Variants in FIGN observed in about 807,000 individuals in gnomAD.
FIGN encodes fidgetin.
FIGN carries 11 observed loss-of-function variants against 51.3 expected under a neutral mutation model. The observed-to-expected ratio is 0.21, with a 90% CI of 0.13 to 0.35. The LOEUF is 0.35. Among genes scored for constraint, FIGN ranks in the 10% least tolerant of loss-of-function variants. The pLI is 1.00. For missense variants in FIGN, 857 were observed against 943.6 expected, an observed-to-expected ratio of 0.91 and a Z score of 1.20; for synonymous variants, 407 against 363.2, an observed-to-expected ratio of 1.12 and a Z score of -1.37.
At position 163,607,843 on chromosome 2, in the gene FIGN, T is replaced by C. The variant is rs992933520; in HGVS notation, c.*1709A>G. The C allele has an allele frequency of 6.6e-6, 1 of 152,568 alleles. No individual in the cohort carries two copies. The highest frequency in any genetic ancestry group is 2.4e-5 in the African/African-American group (1 of 41,416). 9.5% of individuals were successfully genotyped at this position (152,568 alleles called of 1,614,324 possible). On this transcript the variant is annotated 3_prime_UTR_variant, in exon 3 of 3. Coordinates refer to ENST00000333129, the MANE Select transcript of FIGN (RefSeq NM_018086.4). ...CCTGCTCTGTGACAGTTCAGAAGCA[T>C]TGCCAAACATCAGCCCACTATCAAT...
chr2:163,676,436 T>A (rs1218849097), intron 2 of FIGN, among the ~76,000 whole-genome samples: 844 of 11,720 alleles, frequency 0.072, 7 homozygotes, highest in Non-Finnish European at 0.1. Flanking sequence ...ATTCCTGGAA[T>A]ATATATATAT....
chr2:163,682,247 C>T (rs141852557), intron 2 of FIGN, among the ~76,000 whole-genome samples: 247 of 152,324 alleles, frequency 1.6e-3, no homozygotes, highest in African/African-American at 4.7e-3. Flanking sequence ...CCATTTGTTT[C>T]ATTCTCTAAC....
At chr2:163,731,261 A>C (rs1462064032) in intron 2 of FIGN, among the ~76,000 whole-genome samples, 1 of 152,176 alleles carries the variant, frequency 6.6e-6, no homozygotes, top group African/African-American at 2.4e-5. Context: ...TGACAACCAG[A>C]AGCTCAGGAA....
At chr2:163,668,044 A>G (rs1393838619) in intron 2 of FIGN, among the ~76,000 whole-genome samples, 1 of 138,922 alleles carries the variant, frequency 7.2e-6, no homozygotes, top group Non-Finnish European at 1.5e-5. Flanking sequence ...CTCCACAAGT[A>G]ACAAACAAGA....
intron 2 of FIGN, among the ~76,000 whole-genome samples, chr2:163,655,662 T>C (rs1215458835): frequency 6.6e-6 from 1 of 152,142 alleles, no homozygotes; most frequent in African/African-American, 2.4e-5. Flanking sequence ...CTGAGGCTGA[T>C]GCTATCTCTC....
intron 2 of FIGN, among the ~76,000 whole-genome samples, chr2:163,693,346 C>A (rs1337125272): frequency 6.6e-6 from 1 of 152,068 alleles, no homozygotes; most frequent in African/African-American, 2.4e-5. Flanking sequence ...TGAGGAGGAA[C>A]TGCAAGAGTG....
chr2:163,713,625 TCTC>T (rs1490056963), intron 2 of FIGN, among the ~76,000 whole-genome samples: 1 of 152,122 alleles, frequency 6.6e-6, no homozygotes, highest in African/African-American at 2.4e-5. Context: ...ACCATTTTCT[TCTC>T]CTCCTTGCCA....
At chr2:163,715,396 G>C (rs1227366540) in intron 2 of FIGN, among the ~76,000 whole-genome samples, 4 of 152,268 alleles carry the variant, frequency 2.6e-5, no homozygotes, top group Non-Finnish European at 5.9e-5. Context: ...ATTCCTCCTT[G>C]CTGATGAGGA....
chr2:163,703,980 C>A (rs1029909619), intron 2 of FIGN, among the ~76,000 whole-genome samples: 1 of 151,978 alleles, frequency 6.6e-6, no homozygotes, highest in African/African-American at 2.4e-5. Context: ...AAAGCCTATC[C>A]ACATTACTAT....
At chr2:163,616,218 C>T (rs1250666879) in intron 2 of FIGN, among the ~76,000 whole-genome samples, 5 of 151,986 alleles carry the variant, frequency 3.3e-5, no homozygotes, top group East Asian at 1.9e-4. Flanking sequence ...TAACTAGTTT[C>T]GAAACAAAAC....
chr2:163,683,325 A>C (rs1423603541), intron 2 of FIGN, among the ~76,000 whole-genome samples: 1 of 152,222 alleles, frequency 6.6e-6, no homozygotes, highest in Admixed American at 6.5e-5. Flanking sequence ...AGGATGCTAA[A>C]ACAGTATAGG....
intron 2 of FIGN, among the ~76,000 whole-genome samples, chr2:163,628,275 G>T (rs1386405123): frequency 6.6e-6 from 1 of 152,166 alleles, no homozygotes; most frequent in Admixed American, 6.6e-5. Context: ...TAATAGTTGA[G>T]GTAGATCTTG....
rs147210643 is a variant in FIGN, at chr2:163,715,672, C to T, written c.25+19231G>A. ...CAGACATACACATACAAGAAATAAACATTTTCCTTTTATACAAGTTGATAC... is the reference window on the plus strand; with the variant it reads ...CAGACATACACATACAAGAAATAAATATTTTCCTTTTATACAAGTTGATAC... On this transcript the variant is annotated intron_variant, in intron 2 of 2. Transcript: ENST00000333129. Among the ~76,000 whole-genome samples the T allele has an allele frequency of 7.2e-5, 11 of 152,258 alleles. No homozygotes were observed. The East Asian group carries it at 1.9e-3, about 27-fold the overall frequency.
intron 2 of FIGN, among the ~76,000 whole-genome samples, chr2:163,728,945 A>G (rs555389520): frequency 2.0e-5 from 3 of 152,342 alleles, no homozygotes; most frequent in Admixed American, 2.0e-4. Context: ...ATAGTAAGTC[A>G]AAAGATAAGC....
At chr2:163,721,415 G>A (rs1436053492) in intron 2 of FIGN, among the ~76,000 whole-genome samples, 1 of 152,154 alleles carries the variant, frequency 6.6e-6, no homozygotes, top group East Asian at 1.9e-4. Context: ...AACCAGAAGT[G>A]TCTATTTAAC....
intron 2 of FIGN, among the ~76,000 whole-genome samples, chr2:163,635,514 G>C (rs1270519964): frequency 2.0e-5 from 3 of 152,186 alleles, no homozygotes; most frequent in African/African-American, 7.2e-5. Context: ...AGGCTGCAGT[G>C]AGCTGATTGT....
At chr2:163,731,135 G>GTAT (rs1244608775) in intron 2 of FIGN, among the ~76,000 whole-genome samples, 1 of 152,084 alleles carries the variant, frequency 6.6e-6, no homozygotes, top group Non-Finnish European at 1.5e-5. Flanking sequence ...AAACAGGGAA[G>GTAT]TATTAGCATG....
At position 163,610,019 on chromosome 2, in the gene FIGN, T is replaced by G. The variant is rs780148272; in HGVS notation, c.1813A>C (p.Met605Leu). 2 of 1,614,096 alleles carry G rather than the reference T, an allele frequency of 1.2e-6. No homozygotes were observed. Among genetic ancestry groups the G allele is most frequent in the South Asian group, 2.2e-5 (2 of 91,078 alleles). ...AGTTGCATCAGAAATTCGGTTCTCA[T>G]CCGACTGACTGGACTATGTTCCTCA... ...VNEEHSPVSR[M>L]RTEFLMQLDT... Residue 605 changes from methionine (M) to leucine (L), a missense_variant, in exon 3 of 3, where the codon ATG becomes CTG. Met to Leu is a conservative substitution (Grantham distance 15). This residue lies in a region of FIGN where 799 missense variants were observed against 849.5 expected (regional missense o/e 0.94). Transcript: ENST00000333129.
chr2:163,611,401 A>T lies in FIGN; in HGVS notation c.431T>A (p.Val144Asp). ...GVSSALPPADVSASIGSSPGV... is the reference protein window; with the variant it reads ...GVSSALPPADDSASIGSSPGV... ...AGGAGAGCTTCCTATACTCGCAGAG[A>T]CATCTGCTGGAGGGAGGGCTGAACT... Residue 144 changes from valine to aspartate, a missense_variant, in exon 3 of 3, where the codon GTC becomes GAC. By Grantham distance (152) the Val-to-Asp change is radical (BLOSUM62 -3). Coordinates refer to ENST00000333129, the MANE Select transcript of FIGN (RefSeq NM_018086.4). 6.2e-7 allele frequency: 1 copy of T among 1,614,130 alleles called. No homozygotes were observed. Among genetic ancestry groups the T allele is most frequent in the Non-Finnish European group, 8.5e-7 (1 of 1,180,004 alleles).
Sources: gnomAD v4.1 joint callset for allele counts (sites outside exome capture counted in the v4.1 genomes callset) on GRCh38, gnomAD v4.1.1 for gene constraint, gnomAD v4.1.1 regional missense constraint, MANE v1.5 for transcripts, NCBI Gene and HGNC (gene_info 2026-07-23, HGNC 2026-07-21) for gene names.